Variants in RFTN1 observed in about 807,000 individuals in gnomAD.
RFTN1 encodes raftlin, lipid raft linker 1.
In RFTN1, 26 loss-of-function variants were observed where a neutral mutation model predicts 46.5. The ratio of observed to expected loss-of-function variants is 0.56; its 90% confidence interval spans 0.41 to 0.78. RFTN1 has a LOEUF of 0.78. RFTN1 is among the 30% of genes least tolerant of loss of function. The probability of loss-of-function intolerance (pLI) is 0.00; values close to 1 mark genes in which losing one functional copy is unlikely to be tolerated. For missense variants in RFTN1, 693 were observed against 718.7 expected (o/e 0.96, Z 0.41); for synonymous variants, 261 against 284.2 (o/e 0.92, Z 0.82).
intron 6 of RFTN1, among the ~76,000 whole-genome samples, chr3:16,364,117 G>A (rs2073003486): frequency 6.6e-6 from 1 of 152,196 alleles, no homozygotes; most frequent in Admixed American, 6.5e-5. Flanking sequence ...TTGAGGCAAT[G>A]AATAATCTAG....
rs762713991 is a variant in RFTN1, at chr3:16,428,136, A to C, written c.332+5715T>G. Among the ~76,000 whole-genome samples, 1 of 152,218 alleles carries C rather than the reference A, an allele frequency of 6.6e-6. No homozygotes were observed. The highest frequency in any genetic ancestry group is 2.4e-5 in the African/African-American group (1 of 41,450). On this transcript the variant is annotated intron_variant, in intron 3 of 9. Coordinates refer to ENST00000334133, the MANE Select transcript of RFTN1 (RefSeq NM_015150.2). This position sits in a 1 kb window ranked among gnomAD's most constrained non-coding sequence, Gnocchi z 4.7. ...TTTACCTTAGAAAAATCCAAACAAA[A>C]GGGATAAATGTTTACCACTTAAAAC...
Position 16,378,119 on chromosome 3 carries a change from A to G in RFTN1, c.442-17T>C. On this transcript the variant is annotated splice_polypyrimidine_tract_variant and intron_variant, in intron 4 of 9. Transcript: ENST00000334133. ...CTCCTGGATCTGTGAGGCAAACAAA[A>G]GGAAGGGAAACAAGTGAATGAAATG... 6.3e-7 allele frequency: 1 copy of G among 1,599,672 alleles called. No homozygotes were observed. Among genetic ancestry groups the G allele is most frequent in the Non-Finnish European group, 8.6e-7 (1 of 1,167,998 alleles).
chr3:16,439,420 C>A (rs1302978176), intron 2 of RFTN1, among the ~76,000 whole-genome samples: 4 of 152,120 alleles, frequency 2.6e-5, no homozygotes, highest in African/African-American at 4.8e-5. Context: ...AATTATGTAA[C>A]CTTGGGCAAG....
rs1418690971 is a variant in RFTN1, at chr3:16,484,130, T to C, written c.145+9595A>G. On this transcript the variant is annotated intron_variant, in intron 2 of 9. Coordinates refer to ENST00000334133, the MANE Select transcript of RFTN1 (RefSeq NM_015150.2). The surrounding 1 kb of genome is among the most constrained non-coding windows in gnomAD (Gnocchi z 4.6). ...ACTAGCCATTAGGCACCCAAACACTTAGCTCCCCACAACTTTCATTTCTTA... is the reference window on the plus strand; with the variant it reads ...ACTAGCCATTAGGCACCCAAACACTCAGCTCCCCACAACTTTCATTTCTTA... Among the ~76,000 whole-genome samples, 1 of 152,218 alleles carries C rather than the reference T, an allele frequency of 6.6e-6. No individual in the cohort carries two copies. The highest frequency in any genetic ancestry group is 1.5e-5 in the Non-Finnish European group (1 of 68,034).
At chr3:16,412,115 T>C (rs7621940) in intron 3 of RFTN1, among the ~76,000 whole-genome samples, 2,932 of 152,232 alleles carry the variant, frequency 0.019, 104 homozygotes, top group African/African-American at 0.067. Context: ...TCAAGAAAAA[T>C]AGGCATTACA....
rs1448446375 is a variant in RFTN1 at position 16,449,908 on chromosome 3, A to G, written c.146-15871T>C. On this transcript the variant is annotated intron_variant, in intron 2 of 9. Transcript: ENST00000334133. This position sits in a 1 kb window ranked among gnomAD's most constrained non-coding sequence, Gnocchi z 5.1. Reference sequence around the variant, plus strand: ...TGCAGAAGCCTAGAGAGCTGGTTCTAGAAAATGGCCCCATCTCTAGAAGTG... The same window carrying G: ...TGCAGAAGCCTAGAGAGCTGGTTCTGGAAAATGGCCCCATCTCTAGAAGTG... 2.6e-5 allele frequency among the ~76,000 whole-genome samples: 4 copies of G among 152,342 alleles called. No homozygotes were observed. In the East Asian group the frequency reaches 7.7e-4, roughly 29 times the overall value.
Position 16,506,349 on chromosome 3 carries a change from C to T in RFTN1, c.-9+7093G>A, listed in dbSNP as rs1002904555. ...TGGGGAGACAGAGCGTAGGCCTGGC[C>T]GGGCCGTGAGCACTTCAGCTTTACC... On this transcript the variant is annotated intron_variant, in intron 1 of 9. Coordinates refer to ENST00000334133, the MANE Select transcript of RFTN1 (RefSeq NM_015150.2). This position sits in a 1 kb window ranked among gnomAD's most constrained non-coding sequence, Gnocchi z 4.8. Among the ~76,000 whole-genome samples, 1 of 152,020 alleles carries T rather than the reference C, an allele frequency of 6.6e-6. No individual in the cohort carries two copies. Among genetic ancestry groups the T allele is most frequent in the African/African-American group, 2.4e-5 (1 of 41,376 alleles).
At chr3:16,510,277 T>C (rs2076874852) in intron 1 of RFTN1, among the ~76,000 whole-genome samples, 1 of 152,206 alleles carries the variant, frequency 6.6e-6, no homozygotes, top group African/African-American at 2.4e-5. Context: ...TCCACCAAGT[T>C]AATATCAACC....
At chr3:16,343,741 G>T (rs1048734115) in intron 7 of RFTN1, among the ~76,000 whole-genome samples, 1 of 152,316 alleles carries the variant, frequency 6.6e-6, no homozygotes, top group Non-Finnish European at 1.5e-5. Flanking sequence ...CAACACAAAA[G>T]GAACTAATGT....
chr3:16,435,679 C>A (rs1209877468), intron 2 of RFTN1, among the ~76,000 whole-genome samples: 1 of 152,066 alleles, frequency 6.6e-6, no homozygotes, highest in African/African-American at 2.4e-5. Flanking sequence ...GTGTGATATA[C>A]CATGGAGTAT....
Position 16,481,428 on chromosome 3 carries a change from A to T in RFTN1, c.145+12297T>A, listed in dbSNP as rs1312781546. Among the ~76,000 whole-genome samples, 1 of 152,208 alleles carries T rather than the reference A, an allele frequency of 6.6e-6. No individual in the cohort carries two copies. The highest frequency in any genetic ancestry group is 1.5e-5 in the Non-Finnish European group (1 of 68,044). Reference sequence around the variant, plus strand: ...CTCTTTGCATCTTCTGTTTAAAAACATGGTCTGTTTTTAACACACCTCCCA... The same window carrying T: ...CTCTTTGCATCTTCTGTTTAAAAACTTGGTCTGTTTTTAACACACCTCCCA... On this transcript the variant is annotated intron_variant, in intron 2 of 9. Transcript: ENST00000334133. The surrounding 1 kb of genome is among the most constrained non-coding windows in gnomAD (Gnocchi z 5.1).
At chr3:16,414,694 T>C (rs2075041869) in intron 3 of RFTN1, among the ~76,000 whole-genome samples, 1 of 151,834 alleles carries the variant, frequency 6.6e-6, no homozygotes, top group Non-Finnish European at 1.5e-5. Context: ...GTTGTAGTTT[T>C]AATGAGGGTG....
At position 16,504,619 on chromosome 3, in the gene RFTN1, C is replaced by T. The variant is rs2076770919; in HGVS notation, c.-9+8823G>A. ...GCACAGAATTTGGGAACCACCAATA[C>T]ATAGTATTATGTATGCTCAAAAAAG... On this transcript the variant is annotated intron_variant, in intron 1 of 9. Transcript: ENST00000334133. This position sits in a 1 kb window ranked among gnomAD's most constrained non-coding sequence, Gnocchi z 4.4. Among the ~76,000 whole-genome samples the T allele has an allele frequency of 6.6e-6, 1 of 152,170 alleles. No individual in the cohort carries two copies. Among genetic ancestry groups the T allele is most frequent in the Non-Finnish European group, 1.5e-5 (1 of 68,034 alleles).
chr3:16,318,504 T>C (rs770629035), intron 9 of RFTN1, among the ~76,000 whole-genome samples: 19 of 152,196 alleles, frequency 1.2e-4, no homozygotes, highest in Non-Finnish European at 2.6e-4. Flanking sequence ...AAAAATGTGC[T>C]ATGTAAATGT....
intron 6 of RFTN1, among the ~76,000 whole-genome samples, chr3:16,360,974 T>C (rs911100197): frequency 1.3e-5 from 2 of 152,230 alleles, no homozygotes; most frequent in Admixed American, 6.5e-5. Flanking sequence ...CAGTTATAAG[T>C]GGTAGAATTA....
intron 6 of RFTN1, among the ~76,000 whole-genome samples, chr3:16,364,803 G>A (rs2073052658): frequency 6.6e-6 from 1 of 152,216 alleles, no homozygotes; most frequent in South Asian, 2.1e-4. Flanking sequence ...ACAATGACAA[G>A]TATATAAAGT....
At position 16,474,394 on chromosome 3, in the gene RFTN1, G is replaced by A. The variant is rs150226354; in HGVS notation, c.145+19331C>T. 1.3e-5 allele frequency among the ~76,000 whole-genome samples: 2 copies of A among 152,318 alleles called. No homozygotes were observed. The highest frequency in any genetic ancestry group is 2.1e-4 in the South Asian group (1 of 4,826). ...CCAGCACTATTCCCTGACATGCAGG[G>A]TGATGGACTGCTACACAGCTGCTGA... On this transcript the variant is annotated intron_variant, in intron 2 of 9. Coordinates refer to ENST00000334133, the MANE Select transcript of RFTN1 (RefSeq NM_015150.2). This position sits in a 1 kb window ranked among gnomAD's most constrained non-coding sequence, Gnocchi z 5.5.
chr3:16,349,691 A>G (rs1437310544), intron 7 of RFTN1: 1 of 152,198 alleles, frequency 6.6e-6, no homozygotes, highest in Non-Finnish European at 1.5e-5. Context: ...GCTAAAGTCT[A>G]AGAGACTGTG....
rs565137806 is a variant in RFTN1, at chr3:16,440,598, A to G, written c.146-6561T>C. On this transcript the variant is annotated intron_variant, in intron 2 of 9. Transcript: ENST00000334133. The surrounding 1 kb of genome is among the most constrained non-coding windows in gnomAD (Gnocchi z 4.6). ...AACAGAGGTATCTGCAGGCCAGGAA[A>G]ATAAAGTAAACAAGAGACATGAGCC... Among the ~76,000 whole-genome samples the G allele has an allele frequency of 2.0e-5, 3 of 152,202 alleles. No individual in the cohort carries two copies. The highest frequency in any genetic ancestry group is 7.2e-5 in the African/African-American group (3 of 41,512).
Sources: allele counts gnomAD v4.1 joint callset (sites outside exome capture counted in the v4.1 genomes callset), GRCh38; gene constraint gnomAD v4.1.1; non-coding constraint Gnocchi (gnomAD v3.1); transcripts MANE v1.5; gene names NCBI Gene and HGNC (gene_info 2026-07-23, HGNC 2026-07-21).